Variants in DCC observed in about 807,000 individuals in gnomAD.
DCC encodes netrin receptor DCC.
Under a neutral mutation model 172.5 loss-of-function variants are expected in DCC, and 58 were observed. The ratio of observed to expected loss-of-function variants is 0.34; its 90% CI spans 0.27 to 0.42. The LOEUF (loss-of-function observed/expected upper bound fraction) is 0.42. Among genes scored for constraint, DCC ranks in the 10% least tolerant of loss-of-function variants. DCC has a pLI of 1.00. For synonymous variants in DCC, 709 were observed against 644.5 expected (o/e 1.10, Z -1.52); for missense variants, 1,740 against 1,791.0 (o/e 0.97, Z 0.51).
chr18:53,205,432 G>A (rs7227069), intron 10 of DCC, 68 bp downstream of exon 10: 581,479 of 1,503,516 alleles, frequency 0.39, 121,170 homozygotes, highest in Non-Finnish European at 0.43. Flanking sequence ...TAGCTCTAGG[G>A]CTGGAGAAAT....
At chr18:52,711,864 CT>C (rs1195383586) in intron 1 of DCC, among the ~76,000 whole-genome samples, 6 of 152,190 alleles carry the variant, frequency 3.9e-5, no homozygotes, top group Non-Finnish European at 7.3e-5. Flanking sequence ...TAATCCCTGA[CT>C]TTTCTGTATC....
At chr18:52,661,428 G>T (rs111459713) in intron 1 of DCC, among the ~76,000 whole-genome samples, 1 of 152,204 alleles carries the variant, frequency 6.6e-6, no homozygotes, top group African/African-American at 2.4e-5. Flanking sequence ...AGAGTGGGGC[G>T]AAAAATTGTA....
chr18:53,259,614 C>A (rs2056568909), intron 12 of DCC, among the ~76,000 whole-genome samples: 1 of 152,060 alleles, frequency 6.6e-6, no homozygotes. Flanking sequence ...TTGTGGGTAA[C>A]CTGACCTTTC....
chr18:53,225,472 C>T (rs2056012650), intron 12 of DCC, among the ~76,000 whole-genome samples: 1 of 152,058 alleles, frequency 6.6e-6, no homozygotes, highest in South Asian at 2.1e-4. Context: ...CACACAGGAT[C>T]CAGTATACAA....
At chr18:53,063,535 G>T (rs975652477) in intron 6 of DCC, 76 bp downstream of exon 6, 2 of 967,348 alleles carry the variant, frequency 2.1e-6, no homozygotes. Context: ...TTTATTTCTT[G>T]AAAAAAAAAA....
intron 26 of DCC, among the ~76,000 whole-genome samples, chr18:53,495,156 C>G (rs1214300492): frequency 2.0e-5 from 3 of 152,056 alleles, no homozygotes; most frequent in Non-Finnish European, 4.4e-5. Context: ...CTTTGGGAGG[C>G]CAAGGCTGGT....
intron 5 of DCC, among the ~76,000 whole-genome samples, chr18:53,017,487 G>C (rs146722651): frequency 2.6e-3 from 401 of 152,242 alleles, no homozygotes; most frequent in Non-Finnish European, 4.7e-3. Flanking sequence ...TTATAAACAA[G>C]TATGTCCAGT....
intron 1 of DCC, among the ~76,000 whole-genome samples, chr18:52,446,153 C>T (rs1286762745): frequency 6.6e-6 from 1 of 152,122 alleles, no homozygotes. Flanking sequence ...GATCTGCTGA[C>T]CTCCTGATCC....
At position 52,925,278 on chromosome 18, in the gene DCC, C is replaced by T. The variant is rs1230638008; in HGVS notation, c.893C>T (p.Ser298Phe). The change falls in exon 5 of 29, where the codon TCC (serine) becomes TTC (phenylalanine). Residue 298 changes from serine to phenylalanine, a missense_variant. By Grantham distance (155) the Ser-to-Phe change is radical. Around this residue, in one of 2 missense-constraint regions of DCC, gnomAD observed 1,732 missense variants for 1,767.4 expected, o/e 0.98. Transcript: ENST00000442544. ...TTGGGTGGAAGCAACTTGCTTATCT[C>T]CAATGTGACAGATGATGACAGTGGA... ...SLLGGSNLLI[S>F]NVTDDDSGMY... 1 of 1,612,586 alleles carries T rather than the reference C, an allele frequency of 6.2e-7. No individual in the cohort carries two copies. Among genetic ancestry groups the T allele is most frequent in the East Asian group, 2.2e-5 (1 of 44,810 alleles).
chr18:52,824,544 AAATT>A (rs1430957648), intron 2 of DCC, among the ~76,000 whole-genome samples: 23 of 152,218 alleles, frequency 1.5e-4, no homozygotes, highest in African/African-American at 4.6e-4. Flanking sequence ...TTTCAAAAAA[AAATT>A]AGAGAATTTC....
intron 2 of DCC, among the ~76,000 whole-genome samples, chr18:52,812,596 G>C (rs1182240700): frequency 1.3e-5 from 2 of 152,200 alleles, no homozygotes; most frequent in African/African-American, 2.4e-5. Flanking sequence ...GATTTAGTTA[G>C]ATAGCCAAAA....
intron 5 of DCC, among the ~76,000 whole-genome samples, chr18:53,003,585 AAGAAG>A (rs2041599049): frequency 6.6e-6 from 1 of 152,100 alleles, no homozygotes; most frequent in Non-Finnish European, 1.5e-5. Flanking sequence ...TAGAAAGAGA[AAGAAG>A]AGAGTGGCTG....
At chr18:53,303,216 C>A (rs529990587) in intron 12 of DCC, among the ~76,000 whole-genome samples, 1 of 152,206 alleles carries the variant, frequency 6.6e-6, no homozygotes, top group Admixed American at 6.5e-5. Context: ...CATCTTCCAA[C>A]TTATTTATTG....
chr18:52,971,584 C>T (rs1053522947), intron 5 of DCC, among the ~76,000 whole-genome samples: 1 of 151,810 alleles, frequency 6.6e-6, no homozygotes, highest in Admixed American at 6.6e-5. Flanking sequence ...AGATTATAGA[C>T]TGAAGTAGGG....
intron 1 of DCC, among the ~76,000 whole-genome samples, chr18:52,685,560 C>T (rs1903277): frequency 0.055 from 8,288 of 152,054 alleles, 361 homozygotes; most frequent in African/African-American, 0.12. Flanking sequence ...AGTAACTTCT[C>T]GTTGTGGCAG....
intron 1 of DCC, among the ~76,000 whole-genome samples, chr18:52,592,587 G>A (rs2033823033): frequency 6.6e-6 from 1 of 152,196 alleles, no homozygotes; most frequent in Admixed American, 6.5e-5. Context: ...GTGATATGCA[G>A]AATTAAACCT....
chr18:52,880,949 A>G (rs1034909992), intron 2 of DCC, among the ~76,000 whole-genome samples: 21 of 152,108 alleles, frequency 1.4e-4, no homozygotes, highest in African/African-American at 4.8e-4. Flanking sequence ...TGTTCTCCAT[A>G]GGGGTTGTCT....
At chr18:52,936,501 A>C (rs969625691) in intron 5 of DCC, among the ~76,000 whole-genome samples, 1 of 121,652 alleles carries the variant, frequency 8.2e-6, no homozygotes. Context: ...ATTGCTTTGC[A>C]TATATTATTG....
intron 25 of DCC, among the ~76,000 whole-genome samples, chr18:53,477,913 T>A (rs1289859532): frequency 6.6e-6 from 1 of 152,172 alleles, no homozygotes; most frequent in East Asian, 1.9e-4. Flanking sequence ...TACCATAAAA[T>A]GGTGGCAAAG....
Sources: gnomAD v4.1 joint callset for allele counts (sites outside exome capture counted in the v4.1 genomes callset) on GRCh38, gnomAD v4.1.1 for gene constraint, gnomAD v4.1.1 regional missense constraint, MANE v1.5 for transcripts, NCBI Gene and HGNC (gene_info 2026-07-23, HGNC 2026-07-21) for gene names.